Variants in TANK observed in about 807,000 individuals in gnomAD.
TANK encodes TRAF family member associated NFKB activator.
In TANK, 15 loss-of-function variants were observed where a neutral mutation model predicts 43.6. The ratio of observed to expected loss-of-function variants is 0.34; its 90% CI spans 0.23 to 0.53. The LOEUF is 0.53. Among genes scored for constraint, TANK ranks in the 20% least tolerant of loss-of-function variants. The pLI, the probability that TANK is intolerant of heterozygous loss-of-function variation, is 0.94. For synonymous variants in TANK, 162 were observed against 178.2 expected (o/e 0.91, Z 0.73); for missense variants, 417 against 498.6 (o/e 0.84, Z 1.56).
At chr2:161,138,258 C>G (rs934190085) in intron 1 of TANK, among the ~76,000 whole-genome samples, 1 of 152,054 alleles carries the variant, frequency 6.6e-6, no homozygotes, top group Non-Finnish European at 1.5e-5. Context: ...GATTAAAAGT[C>G]AAGAATTATT....
At chr2:161,229,571 A>G (rs1242495273) in intron 6 of TANK, among the ~76,000 whole-genome samples, 1 of 152,184 alleles carries the variant, frequency 6.6e-6, no homozygotes, top group Non-Finnish European at 1.5e-5. Flanking sequence ...ATATAACAAA[A>G]TGAACCAAAG....
At chr2:161,182,678 T>TCCTTTG (rs957501456) in intron 2 of TANK, among the ~76,000 whole-genome samples, 4 of 152,104 alleles carry the variant, frequency 2.6e-5, no homozygotes, top group African/African-American at 9.7e-5. Context: ...CTGAACCCTG[T>TCCTTTG]CCTTTGGGGC....
At chr2:161,139,333 C>A (rs1216147440) in intron 1 of TANK, among the ~76,000 whole-genome samples, 6 of 152,030 alleles carry the variant, frequency 3.9e-5, no homozygotes, top group Non-Finnish European at 8.8e-5. Context: ...ATCATAAAAA[C>A]CAAATAATTG....
intron 4 of TANK, chr2:161,207,729 A>G: frequency 2.0e-6 from 2 of 985,380 alleles, no homozygotes; most frequent in South Asian, 4.7e-5. Flanking sequence ...TAGCTAATAC[A>G]GGTGAAACCT....
At chr2:161,228,001 A>G (rs1687717242) in intron 6 of TANK, among the ~76,000 whole-genome samples, 1 of 152,286 alleles carries the variant, frequency 6.6e-6, no homozygotes, top group East Asian at 1.9e-4. Context: ...TAGGCTTTGT[A>G]GGGGAGAGAT....
chr2:161,171,005 T>A (rs1248281073), intron 1 of TANK, among the ~76,000 whole-genome samples: 2 of 152,240 alleles, frequency 1.3e-5, no homozygotes, highest in Admixed American at 6.5e-5. Flanking sequence ...TCTTTTTATT[T>A]TTTTCCAGAG....
intron 4 of TANK, chr2:161,216,506 CT>C: frequency 2.4e-6 from 1 of 419,476 alleles, no homozygotes; most frequent in South Asian, 1.8e-5. Flanking sequence ...TACTTTTTTT[CT>C]TTTTGATAAA....
rs1329985300 is a variant in TANK, at chr2:161,233,802, TC to T, written c.1102-1539del. Among the ~76,000 whole-genome samples, 130 of 152,184 alleles carry T rather than the reference TC, an allele frequency of 8.5e-4. 2 individuals carry two copies. The highest frequency in any genetic ancestry group is 2.9e-3 in the African/African-American group (119 of 41,562). On this transcript the variant is annotated intron_variant, in intron 7 of 7. Coordinates refer to ENST00000392749, the MANE Select transcript of TANK (RefSeq NM_001199135.3). ...TATAAATAAGAATTATCTTTAATAATCTTTTATTTTTGGCCATATCAATTTC... is the reference window on the plus strand; with the variant it reads ...TATAAATAAGAATTATCTTTAATAATTTTTATTTTTGGCCATATCAATTTC...
In TANK at chr2:161,224,632, G is replaced by A. The variant is rs150604188; in HGVS notation, c.406G>A (p.Gly136Ser). The A allele has an allele frequency of 6.1e-5, 90 of 1,470,564 alleles. 1 individual carries two copies. Among genetic ancestry groups the A allele is most frequent in the Non-Finnish European group, 8.0e-5 (87 of 1,085,636 alleles). The allele number at this position is 1,470,564 out of a possible 1,614,324, so 91.1% of individuals were successfully genotyped here. Reference protein sequence around the residue: ...SLGSPLLHERGNIEKTFWDLK... With the variant: ...SLGSPLLHERSNIEKTFWDLK... ...TAAAATGTTGATTTTTTTTTTTAGG[G>A]GTAATATAGAGAAGACTTTCTGGGA... Residue 136 changes from glycine (G) to serine (S), a missense_variant and splice_region_variant, in exon 6 of 8, where the codon GGT becomes AGT. By Grantham distance (56) the Gly-to-Ser change is moderately conservative (BLOSUM62 0). Transcript: ENST00000392749.
chr2:161,226,448 G>A (rs1362291388), intron 6 of TANK, among the ~76,000 whole-genome samples: 1 of 152,038 alleles, frequency 6.6e-6, no homozygotes, highest in African/African-American at 2.4e-5. Context: ...TATATCAAAA[G>A]GAGAAAGGAA....
chr2:161,196,916 A>G (rs955716671), intron 2 of TANK, among the ~76,000 whole-genome samples: 3 of 152,236 alleles, frequency 2.0e-5, no homozygotes, highest in African/African-American at 7.2e-5. Context: ...AGAAAATAAA[A>G]CTGATTTTGG....
intron 4 of TANK, among the ~76,000 whole-genome samples, chr2:161,214,439 C>G (rs185731943): frequency 7.9e-5 from 12 of 151,816 alleles, no homozygotes; most frequent in Non-Finnish European, 1.0e-4. Flanking sequence ...ATGTTGAGAT[C>G]AAGTTTCAAT....
intron 1 of TANK, among the ~76,000 whole-genome samples, chr2:161,177,296 G>A (rs1685212543): frequency 6.6e-6 from 1 of 152,076 alleles, no homozygotes; most frequent in South Asian, 2.1e-4. Context: ...TTTTTATTGA[G>A]CCTGGTAAAT....
intron 4 of TANK, among the ~76,000 whole-genome samples, chr2:161,211,324 C>T (rs1686877677): frequency 6.6e-6 from 1 of 152,144 alleles, no homozygotes; most frequent in South Asian, 2.1e-4. Context: ...AAGTGCAGTG[C>T]CCACTTAGGG....
intron 1 of TANK, among the ~76,000 whole-genome samples, chr2:161,151,264 T>G (rs1205327243): frequency 6.6e-6 from 1 of 152,202 alleles, no homozygotes; most frequent in East Asian, 1.9e-4. Flanking sequence ...TGGGGTGGAA[T>G]GCTCTACATG....
In TANK at chr2:161,180,044, T is replaced by C. The variant is rs1428071771; in HGVS notation, c.99+283T>C. On this transcript the variant is annotated intron_variant, in intron 2 of 7. Coordinates refer to ENST00000392749, the MANE Select transcript of TANK (RefSeq NM_001199135.3). ...AATAATTTTAAAATATCAGTATTTA[T>C]AAATAAGGAGGAAATAACTATAAAA... is the stretch of plus-strand genomic sequence containing the variant. The C allele has an allele frequency of 4.8e-6, 5 of 1,049,730 alleles. No individual in the cohort carries two copies. In the African/African-American group the frequency reaches 5.0e-5, roughly 10 times the overall value. 65.0% of individuals were successfully genotyped at this position (1,049,730 alleles called of 1,614,324 possible). A position where few individuals can be genotyped will look rare whatever the true frequency, so the allele number is the denominator to read the frequency against.
chr2:161,149,743 GGT>G (rs1491551570), intron 1 of TANK, among the ~76,000 whole-genome samples: 6 of 55,448 alleles, frequency 1.1e-4, no homozygotes, highest in Non-Finnish European at 2.4e-4. Flanking sequence ...TAATCATGTG[GGT>G]TTTTTTTTTT....
intron 1 of TANK, among the ~76,000 whole-genome samples, chr2:161,149,461 T>G (rs1053563666): frequency 1.3e-5 from 2 of 152,180 alleles, no homozygotes; most frequent in Non-Finnish European, 2.9e-5. Context: ...CCTTTCCAAT[T>G]TGGATGGCTT....
At chr2:161,146,013 GTTCA>G (rs2105219176) in intron 1 of TANK, among the ~76,000 whole-genome samples, 1 of 152,232 alleles carries the variant, frequency 6.6e-6, no homozygotes, top group South Asian at 2.1e-4. Context: ...CAGAGGTGTT[GTTCA>G]TTCCTTTTCA....
Sources: gnomAD v4.1 joint callset for allele counts (sites outside exome capture counted in the v4.1 genomes callset) on GRCh38, gnomAD v4.1.1 for gene constraint, MANE v1.5 for transcripts, NCBI Gene and HGNC (gene_info 2026-07-23, HGNC 2026-07-21) for gene names.